CCDC192: variants seen among roughly 807,000 people sequenced by gnomAD.
CCDC192 encodes coiled-coil domain-containing protein 192.
intron 5 of CCDC192, among the ~76,000 whole-genome samples, chr5:127,859,666 C>A (rs1231574924): frequency 6.6e-6 from 1 of 152,158 alleles, no homozygotes; most frequent in Non-Finnish European, 1.5e-5. Context: ...CTCCCATTCT[C>A]TCTTCTTTTT....
chr5:127,830,068 G>A (rs775425888), intron 5 of CCDC192, among the ~76,000 whole-genome samples: 3 of 151,990 alleles, frequency 2.0e-5, no homozygotes, highest in Non-Finnish European at 4.4e-5. Context: ...TTTTAAAACA[G>A]TCTACATTGT....
chr5:127,873,906 C>A (rs1334413347), intron 5 of CCDC192, among the ~76,000 whole-genome samples: 1 of 152,192 alleles, frequency 6.6e-6, no homozygotes. Context: ...ACACAGCTGT[C>A]CAGCTGTCAA....
At chr5:127,847,843 A>AAATAAATG (rs1186021790) in intron 5 of CCDC192, among the ~76,000 whole-genome samples, 3 of 151,172 alleles carry the variant, frequency 2.0e-5, no homozygotes, top group Admixed American at 2.0e-4. Flanking sequence ...ATAAATAAAT[A>AAATAAATG]AATAAATAAA....
chr5:127,771,574 A>G (rs1755553466), intron 3 of CCDC192, among the ~76,000 whole-genome samples: 2 of 152,140 alleles, frequency 1.3e-5, no homozygotes, highest in Non-Finnish European at 2.9e-5. Flanking sequence ...GCAGAAGTGG[A>G]TTGGGGGGTA....
chr5:127,800,384 A>AAAAC (rs1757423489), intron 5 of CCDC192, among the ~76,000 whole-genome samples: 1 of 137,356 alleles, frequency 7.3e-6, no homozygotes, highest in African/African-American at 2.6e-5. Flanking sequence ...CTGAAAAAAA[A>AAAAC]AAAAAAAAAA....
intron 5 of CCDC192, among the ~76,000 whole-genome samples, chr5:127,830,160 A>G (rs1354092078): frequency 7.5e-6 from 1 of 132,640 alleles, no homozygotes; most frequent in African/African-American, 3.0e-5. Context: ...TGCCTTTCGC[A>G]GTCTCAAAAA....
At chr5:127,808,115 C>T (rs2126993742) in intron 5 of CCDC192, among the ~76,000 whole-genome samples, 1 of 152,234 alleles carries the variant, frequency 6.6e-6, no homozygotes, top group South Asian at 2.1e-4. Context: ...TGATTTTATT[C>T]CATGGATGCA....
chr5:127,730,241 A>T (rs1482335216), intron 2 of CCDC192, among the ~76,000 whole-genome samples: 2 of 152,184 alleles, frequency 1.3e-5, no homozygotes, highest in African/African-American at 4.8e-5. Flanking sequence ...AATACTATAA[A>T]CACCTCTATG....
chr5:127,791,091 C>T (rs529614421), intron 3 of CCDC192, among the ~76,000 whole-genome samples: 2 of 152,152 alleles, frequency 1.3e-5, no homozygotes, highest in Non-Finnish European at 2.9e-5. Context: ...GACTCTGTCC[C>T]CTCCACCTGT....
intron 3 of CCDC192, among the ~76,000 whole-genome samples, chr5:127,778,551 A>G (rs1195690331): frequency 6.6e-6 from 1 of 152,180 alleles, no homozygotes; most frequent in Non-Finnish European, 1.5e-5. Context: ...CTATATTCAT[A>G]AAGGATATTA....
chr5:127,898,773 G>A (rs914554192), intron 6 of CCDC192, among the ~76,000 whole-genome samples: 1 of 152,072 alleles, frequency 6.6e-6, no homozygotes, highest in African/African-American at 2.4e-5. Context: ...AGAGAGGGAG[G>A]GAGAAAGACA....
chr5:127,800,269 CTTCT>C (rs1757409727), intron 5 of CCDC192, among the ~76,000 whole-genome samples: 1 of 149,070 alleles, frequency 6.7e-6, no homozygotes, highest in African/African-American at 2.5e-5. Context: ...CAGCAAGTTC[CTTCT>C]ATCTTAAGCC....
At chr5:127,800,251 T>C (rs1458144982) in intron 5 of CCDC192, among the ~76,000 whole-genome samples, 1 of 151,764 alleles carries the variant, frequency 6.6e-6, no homozygotes, top group African/African-American at 2.4e-5. Context: ...ACAAACTGCC[T>C]TCTCCCACAG....
chr5:127,904,727 C>T (rs902199429), intron 6 of CCDC192, among the ~76,000 whole-genome samples: 6 of 152,082 alleles, frequency 3.9e-5, no homozygotes, highest in African/African-American at 1.4e-4. Context: ...ATCTCGAACT[C>T]CTGACCTCAG....
At chr5:127,928,881 T>C (rs1254187739) in intron 6 of CCDC192, among the ~76,000 whole-genome samples, 1 of 152,108 alleles carries the variant, frequency 6.6e-6, no homozygotes. Context: ...TTCTCCTGCC[T>C]CAGCCTCCTG....
At chr5:127,725,714 T>C (rs1218278739) in intron 2 of CCDC192, among the ~76,000 whole-genome samples, 1 of 152,206 alleles carries the variant, frequency 6.6e-6, no homozygotes, top group African/African-American at 2.4e-5. Flanking sequence ...ATATTTGTTT[T>C]CTGATTTGTC....
chr5:127,832,609 G>C (rs73783988), intron 5 of CCDC192, among the ~76,000 whole-genome samples: 2 of 151,962 alleles, frequency 1.3e-5, no homozygotes, highest in Admixed American at 6.6e-5. Flanking sequence ...GCCTCTGGGG[G>C]GAATAAAAGG....
intron 5 of CCDC192, among the ~76,000 whole-genome samples, chr5:127,847,946 A>G (rs1750634737): frequency 6.6e-6 from 1 of 152,014 alleles, no homozygotes; most frequent in Non-Finnish European, 1.5e-5. Context: ...ACTGGTGCCC[A>G]CCACCACACC....
At chr5:127,713,364 T>C (rs1002364180) in intron 2 of CCDC192, among the ~76,000 whole-genome samples, 1 of 152,206 alleles carries the variant, frequency 6.6e-6, no homozygotes, top group Non-Finnish European at 1.5e-5. Context: ...TTCAATCTTA[T>C]TTAGTGAAGT....
Sources: allele counts gnomAD v4.1 joint callset (sites outside exome capture counted in the v4.1 genomes callset), GRCh38; gene constraint gnomAD v4.1.1; transcripts MANE v1.5; gene names NCBI Gene and HGNC (gene_info 2026-07-23, HGNC 2026-07-21).